The following SORL1 variants were observed in gnomAD, a reference collection of about 807,000 sequenced individuals.
The protein encoded by SORL1 is sortilin-related receptor.
Under a neutral mutation model 273.7 loss-of-function variants are expected in SORL1, and 127 were observed. The observed-to-expected ratio is 0.46, with a 90% confidence interval of 0.40 to 0.54. SORL1 has a LOEUF of 0.54. SORL1 is among the 20% of genes least tolerant of loss of function. SORL1 has a pLI of 0.00. For missense variants in SORL1, 2,494 were observed against 2,846.1 expected (o/e 0.88, Z 2.81); for synonymous variants, 1,031 against 1,067.4 (o/e 0.97, Z 0.66).
chr11:121,552,371 A>G (rs1862519358), intron 16 of SORL1, among the ~76,000 whole-genome samples: 1 of 152,226 alleles, frequency 6.6e-6, no homozygotes. Flanking sequence ...GCGCGCTGGA[A>G]TGCCGCATGC....
At chr11:121,490,211 A>C in intron 5 of SORL1, 101 bp downstream of exon 5, 1 of 776,246 alleles carries the variant, frequency 1.3e-6, no homozygotes, top group South Asian at 1.5e-5. Context: ...AATGTCCAGC[A>C]TTTATTCAGG....
chr11:121,525,765 G>A (rs1862112010), intron 11 of SORL1, among the ~76,000 whole-genome samples: 1 of 152,198 alleles, frequency 6.6e-6, no homozygotes, highest in Non-Finnish European at 1.5e-5. Flanking sequence ...AAAAAATTGG[G>A]TTGGTCCAGC....
chr11:121,548,997 T>C (rs1320110409), intron 14 of SORL1, among the ~76,000 whole-genome samples: 1 of 152,234 alleles, frequency 6.6e-6, no homozygotes. Context: ...TTTACAGGTT[T>C]GGAAGGGCCT....
intron 20 of SORL1, 149 bp from the exon 21 acceptor site, chr11:121,559,370 G>C: frequency 1.3e-6 from 1 of 779,954 alleles, no homozygotes; most frequent in Non-Finnish European, 2.0e-6. Flanking sequence ...TAAAATTGCT[G>C]TCCTTTGCAT....
intron 26 of SORL1, among the ~76,000 whole-genome samples, chr11:121,584,653 A>G (rs1215181781): frequency 6.6e-6 from 1 of 151,754 alleles, no homozygotes; most frequent in African/African-American, 2.4e-5. Context: ...GTATAGTAGT[A>G]TGATTGTGGC....
At chr11:121,617,074 T>G (rs917971281) in intron 41 of SORL1, among the ~76,000 whole-genome samples, 1 of 152,228 alleles carries the variant, frequency 6.6e-6, no homozygotes, top group African/African-American at 2.4e-5. Context: ...GATGTTCAGG[T>G]TAAGATAAAA....
At position 121,550,787 on chromosome 11, in the gene SORL1, T is replaced by C. The variant is rs975122528; in HGVS notation, c.2266+117T>C. The C allele has an allele frequency of 5.5e-6, 4 of 726,818 alleles. No individual in the cohort carries two copies. The highest frequency in any genetic ancestry group is 2.8e-5 in the Admixed American group (1 of 35,852). 45.0% of individuals were successfully genotyped at this position (726,818 alleles called of 1,614,324 possible). The stretch of plus-strand genomic sequence containing the variant: ...ATTGAGTGGAGAAAAACAATGGCCG[T>C]CACAAGCATCACAGGGCTTCCTCTT... On this transcript the variant is annotated intron_variant, in intron 16 of 47. Coordinates refer to ENST00000260197, the MANE Select transcript of SORL1 (RefSeq NM_003105.6). The surrounding 1 kb of genome is among the most constrained non-coding windows in gnomAD (Gnocchi z 5.3).
At chr11:121,544,915 C>T (rs917674817) in intron 13 of SORL1, among the ~76,000 whole-genome samples, 8 of 152,198 alleles carry the variant, frequency 5.3e-5, no homozygotes, top group African/African-American at 1.7e-4. Context: ...TTCAGCTGTT[C>T]CCTAGTTCTC....
chr11:121,503,660 T>G (rs1412084016), intron 6 of SORL1, among the ~76,000 whole-genome samples: 2 of 152,168 alleles, frequency 1.3e-5, no homozygotes. Context: ...GCTAAGTTTT[T>G]GAAGAGACAG....
Position 121,554,190 on chromosome 11 carries a change from T to C in SORL1, c.2439+81T>C, listed in dbSNP as rs1862544671. 5 of 1,286,752 alleles carry C rather than the reference T, an allele frequency of 3.9e-6. No individual in the cohort carries two copies. In the Admixed American group the frequency reaches 9.1e-5, roughly 23 times the overall value. The allele number at this position is 1,286,752 out of a possible 1,614,324, so 79.7% of individuals were successfully genotyped here. The stretch of plus-strand genomic sequence containing the variant: ...GATAAGCTGCATGCAGAATGGCCTA[T>C]GGAAATGGGCAGTTAGAAGTTTGTA... On this transcript the variant is annotated intron_variant, in intron 17 of 47. Transcript: ENST00000260197. The surrounding 1 kb of genome is among the most constrained non-coding windows in gnomAD (Gnocchi z 4.6).
intron 2 of SORL1, among the ~76,000 whole-genome samples, chr11:121,476,117 G>A (rs1861263851): frequency 6.6e-6 from 1 of 152,192 alleles, no homozygotes; most frequent in Admixed American, 6.5e-5. Context: ...TCAAATTATG[G>A]GATGTCAGAG....
In SORL1 at chr11:121,589,242, G is replaced by A. The variant is rs1330178328; in HGVS notation, c.3947-17G>A. The A allele has an allele frequency of 6.2e-6, 10 of 1,612,024 alleles. No individual in the cohort carries two copies. The South Asian group carries it at 6.6e-5, about 11-fold the overall frequency. On this transcript the variant is annotated splice_polypyrimidine_tract_variant and intron_variant, in intron 28 of 47. Transcript: ENST00000260197. ...ATGGAAGTTCCTGGACTTCATGGAT[G>A]TTTGTTCCCTCTGTAGCCCAAGATC...
intron 1 of SORL1, among the ~76,000 whole-genome samples, chr11:121,461,789 A>G (rs555775136): frequency 5.7e-4 from 86 of 152,196 alleles, no homozygotes; most frequent in Non-Finnish European, 9.3e-4. Context: ...GTCATTTTAT[A>G]TATGTCATCG....
chr11:121,574,161 T>C (rs1298139017), intron 23 of SORL1, 80 bp from the exon 24 acceptor site: 1 of 1,389,836 alleles, frequency 7.2e-7, no homozygotes. Context: ...TATTTTTTAA[T>C]TGGTTTTCCA....
At position 121,554,076 on chromosome 11, in the gene SORL1, G is replaced by A. The variant is rs144545040; in HGVS notation, c.2406G>A (p.Leu802=). 6.2e-7 allele frequency: 1 copy of A among 1,614,068 alleles called. No homozygotes were observed. Among genetic ancestry groups the A allele is most frequent in the African/African-American group, 1.3e-5 (1 of 74,936 alleles). The change falls in exon 17 of 48, where the codon TTG becomes TTA. Residue 802 remains leucine, a synonymous_variant. Transcript: ENST00000260197. The surrounding 1 kb of genome is among the most constrained non-coding windows in gnomAD (Gnocchi z 4.6). ...ACTTTGACTATGAGCACAACTGTTT[G>A]TATTGGTCCGACCTGGCCTTGGACG... ...ALDFDYEHNC[L]YWSDLALDVI...
At chr11:121,512,508 G>C (rs1861895281) in intron 6 of SORL1, among the ~76,000 whole-genome samples, 1 of 152,212 alleles carries the variant, frequency 6.6e-6, no homozygotes, top group Non-Finnish European at 1.5e-5. Flanking sequence ...ATTCTCTCAA[G>C]TCTTGGTGCA....
intron 39 of SORL1, 191 bp downstream of exon 39, chr11:121,611,349 A>T (rs1357730001): frequency 6.1e-6 from 3 of 492,548 alleles, no homozygotes; most frequent in Non-Finnish European, 1.1e-5. Flanking sequence ...TTGAGTCTTC[A>T]CATGTAATTA....
rs182285378 is a variant in SORL1, at chr11:121,627,873, G to A, written c.6577+106G>A. The A allele has an allele frequency of 6.9e-6, 5 of 729,640 alleles. No individual in the cohort carries two copies. Among genetic ancestry groups the A allele is most frequent in the African/African-American group, 1.8e-5 (1 of 56,494 alleles). 45.2% of individuals were successfully genotyped at this position (729,640 alleles called of 1,614,324 possible). On this transcript the variant is annotated intron_variant, in intron 47 of 47. Coordinates refer to ENST00000260197, the MANE Select transcript of SORL1 (RefSeq NM_003105.6). The surrounding 1 kb of genome is among the most constrained non-coding windows in gnomAD (Gnocchi z 4.9). ...CTTCAGCTCCTCTTTTGACCCTGGA[G>A]GAGCTCTTCATCAGCCAGCGATTTG...
chr11:121,545,128 G>A (rs1013142599), intron 13 of SORL1, 115 bp from the exon 14 acceptor site: 15 of 879,964 alleles, frequency 1.7e-5, no homozygotes, highest in African/African-American at 3.3e-5. Flanking sequence ...GTGTGCTTGC[G>A]GGGTGGCAAC....
Sources: allele counts gnomAD v4.1 joint callset (sites outside exome capture counted in the v4.1 genomes callset), GRCh38; gene constraint gnomAD v4.1.1; non-coding constraint Gnocchi (gnomAD v3.1); transcripts MANE v1.5; gene names NCBI Gene and HGNC (gene_info 2026-07-23, HGNC 2026-07-21).